SDHAF3: variants seen among roughly 807,000 people sequenced by gnomAD.
SDHAF3 encodes succinate dehydrogenase complex assembly factor 3, also known as succinate dehydrogenase assembly factor 3, mitochondrial.
A neutral mutation model predicts 11.5 loss-of-function variants in SDHAF3; 18 were observed. That is an observed-to-expected ratio of 1.56 (90% confidence interval 1.08 to 2.32). SDHAF3 has a LOEUF of 2.32. SDHAF3 is among the 30% of genes most tolerant of loss of function. SDHAF3 has a pLI of 0.00. For synonymous variants in SDHAF3, 72 were observed against 59.3 expected, an observed-to-expected ratio of 1.21 and a Z score of -0.99; for missense variants, 200 against 154.4, an observed-to-expected ratio of 1.30 and a Z score of -1.57.
intron 1 of SDHAF3, among the ~76,000 whole-genome samples, chr7:97,158,426 C>G (rs1169060460): frequency 6.6e-6 from 1 of 152,144 alleles, no homozygotes; most frequent in Non-Finnish European, 1.5e-5. Context: ...CTCCCGGGTT[C>G]AAGCGATTCT....
intron 1 of SDHAF3, among the ~76,000 whole-genome samples, chr7:97,161,924 T>C (rs1189689801): frequency 6.6e-6 from 1 of 152,238 alleles, no homozygotes; most frequent in Non-Finnish European, 1.5e-5. Flanking sequence ...AGTAGAATGA[T>C]TTATAATCCT....
chr7:97,178,061 C>T (rs1225648581), intron 1 of SDHAF3, among the ~76,000 whole-genome samples: 1 of 152,168 alleles, frequency 6.6e-6, no homozygotes, highest in East Asian at 1.9e-4. Context: ...AACAGTAACA[C>T]CCTCTCCTAC....
chr7:97,150,077 A>G (rs1050415953), intron 1 of SDHAF3, among the ~76,000 whole-genome samples: 4 of 152,242 alleles, frequency 2.6e-5, no homozygotes, highest in Non-Finnish European at 4.4e-5. Flanking sequence ...TTCAACTTTT[A>G]TAATCAGATT....
At chr7:97,177,083 T>C (rs1584236653) in intron 1 of SDHAF3, among the ~76,000 whole-genome samples, 2 of 152,134 alleles carry the variant, frequency 1.3e-5, no homozygotes, top group Admixed American at 6.5e-5. Flanking sequence ...GATTTTTGCT[T>C]TATTTTTCAA....
At chr7:97,177,298 T>G (rs1789692606) in intron 1 of SDHAF3, among the ~76,000 whole-genome samples, 1 of 151,876 alleles carries the variant, frequency 6.6e-6, no homozygotes, top group Non-Finnish European at 1.5e-5. Context: ...GTCAGGAGAT[T>G]GAGACCATCC....
At chr7:97,146,110 CT>C (rs901439857) in intron 1 of SDHAF3, among the ~76,000 whole-genome samples, 32 of 119,796 alleles carry the variant, frequency 2.7e-4, no homozygotes, top group East Asian at 1.8e-3. Context: ...CTTAAATAGG[CT>C]TTCCCCCCCC....
intron 1 of SDHAF3, among the ~76,000 whole-genome samples, chr7:97,141,123 A>G (rs1232008676): frequency 1.3e-5 from 2 of 152,176 alleles, no homozygotes; most frequent in African/African-American, 4.8e-5. Context: ...TCCCAGGCTT[A>G]TTAGGACGAG....
At chr7:97,154,310 A>C (rs1177787954) in intron 1 of SDHAF3, among the ~76,000 whole-genome samples, 1 of 152,150 alleles carries the variant, frequency 6.6e-6, no homozygotes, top group East Asian at 1.9e-4. Context: ...GTGGATCTTC[A>C]TTTGCTTCAG....
chr7:97,169,397 A>G (rs1011195522), intron 1 of SDHAF3, among the ~76,000 whole-genome samples: 2 of 152,220 alleles, frequency 1.3e-5, no homozygotes, highest in Non-Finnish European at 2.9e-5. Context: ...ATTTCAATAT[A>G]TATCAAATAT....
At chr7:97,133,648 A>G (rs1049616967) in intron 1 of SDHAF3, among the ~76,000 whole-genome samples, 1 of 152,092 alleles carries the variant, frequency 6.6e-6, no homozygotes, top group Admixed American at 6.5e-5. Flanking sequence ...CTTCTTACTT[A>G]TTTTTCCTAG....
At chr7:97,135,660 GTGTGTGTGTA>G (rs1791749893) in intron 1 of SDHAF3, 1 of 89,840 alleles carries the variant, frequency 1.1e-5, no homozygotes, top group African/African-American at 5.0e-5. Context: ...GTGTGTGTGT[GTGTGTGTGTA>G]TATATATATA....
At chr7:97,144,053 A>G (rs1584219070) in intron 1 of SDHAF3, among the ~76,000 whole-genome samples, 1 of 151,812 alleles carries the variant, frequency 6.6e-6, no homozygotes, top group South Asian at 2.1e-4. Flanking sequence ...ATGGTATCAC[A>G]TTGTGGTTTT....
At chr7:97,144,669 TATG>T (rs1238768511) in intron 1 of SDHAF3, among the ~76,000 whole-genome samples, 1 of 152,240 alleles carries the variant, frequency 6.6e-6, no homozygotes, top group East Asian at 1.9e-4. Flanking sequence ...CCCATTGGTC[TATG>T]TGCCTGTTTT....
chr7:97,154,013 G>C (rs948967151), intron 1 of SDHAF3, among the ~76,000 whole-genome samples: 3 of 152,210 alleles, frequency 2.0e-5, no homozygotes, highest in African/African-American at 7.2e-5. Context: ...GGCAGGCTGA[G>C]TCCAAAAAGA....
chr7:97,161,039 G>A (rs931825318), intron 1 of SDHAF3, among the ~76,000 whole-genome samples: 5 of 152,104 alleles, frequency 3.3e-5, no homozygotes, highest in African/African-American at 1.2e-4. Context: ...TAGAAACTGT[G>A]CTTTGCATTG....
chr7:97,132,762 G>C (rs1479291187), intron 1 of SDHAF3, among the ~76,000 whole-genome samples: 1 of 152,130 alleles, frequency 6.6e-6, no homozygotes, highest in Admixed American at 6.6e-5. Context: ...TGGAAGACAG[G>C]TAAATAGGCT....
At chr7:97,174,398 T>C (rs533826369) in intron 1 of SDHAF3, among the ~76,000 whole-genome samples, 6 of 152,316 alleles carry the variant, frequency 3.9e-5, no homozygotes, top group Non-Finnish European at 5.9e-5. Flanking sequence ...AGTACTGTTA[T>C]AGAAACTAAG....
chr7:97,122,196 T>G (rs1229311823), intron 1 of SDHAF3, among the ~76,000 whole-genome samples: 1 of 152,106 alleles, frequency 6.6e-6, no homozygotes, highest in Non-Finnish European at 1.5e-5. Context: ...AGTGTTGTGT[T>G]TGGAATTTAG....
chr7:97,178,955 TTC>T (rs1484594210), intron 1 of SDHAF3, among the ~76,000 whole-genome samples: 1 of 152,166 alleles, frequency 6.6e-6, no homozygotes, highest in Non-Finnish European at 1.5e-5. Context: ...TCTTCTAGGA[TTC>T]TCATGATTTT....
Sources: allele counts gnomAD v4.1 joint callset (sites outside exome capture counted in the v4.1 genomes callset), GRCh38; gene constraint gnomAD v4.1.1; transcripts MANE v1.5; gene names NCBI Gene and HGNC (gene_info 2026-07-23, HGNC 2026-07-21).